SRGAP3: variants seen among roughly 807,000 people sequenced by gnomAD.
The protein encoded by SRGAP3 is SLIT-ROBO Rho GTPase activating protein 3.
Under a neutral mutation model 121.1 loss-of-function variants are expected in SRGAP3, and 39 were observed. The observed-to-expected ratio is 0.32, with a 90% confidence interval of 0.25 to 0.42. The LOEUF (loss-of-function observed/expected upper bound fraction) is 0.42, where lower values mean the gene tolerates loss of function less well. Ranked by LOEUF, SRGAP3 falls within the 10% of genes least tolerant of loss-of-function variation. The pLI is 1.00. For missense variants in SRGAP3, 1,213 were observed against 1,470.6 expected, an observed-to-expected ratio of 0.82 and a Z score of 2.86; for synonymous variants, 601 against 570.0, an observed-to-expected ratio of 1.05 and a Z score of -0.77.
At chr3:9,132,302 A>G (rs1447827857) in intron 1 of SRGAP3, among the ~76,000 whole-genome samples, 2 of 152,152 alleles carry the variant, frequency 1.3e-5, no homozygotes, top group Non-Finnish European at 2.9e-5. Flanking sequence ...TGTGTTGTAC[A>G]TTCTCTGGGT....
chr3:9,350,735 C>T (rs1363906321), intron 1 of SRGAP3, among the ~76,000 whole-genome samples: 1 of 152,162 alleles, frequency 6.6e-6, no homozygotes, highest in African/African-American at 2.4e-5. Context: ...TGTAACTCTT[C>T]TTTCTTCCAG....
At chr3:9,294,695 CGTGTGTGTGTGTGTGTGT>C (rs753452580) in intron 3 of SRGAP3, among the ~76,000 whole-genome samples, 116 of 119,880 alleles carry the variant, frequency 9.7e-4, no homozygotes, top group African/African-American at 3.3e-3. Context: ...TTGAAGCTTT[CGTGTGTGTGTGTGTGTGT>C]GTGTGTGTGT....
intron 3 of SRGAP3, among the ~76,000 whole-genome samples, chr3:9,260,544 G>A (rs184679736): frequency 1.3e-5 from 2 of 152,344 alleles, no homozygotes; most frequent in African/African-American, 2.4e-5. Flanking sequence ...AAGTTCAAAC[G>A]ATGCGGAACC....
At chr3:9,132,183 GCA>G (rs1263477263) in intron 1 of SRGAP3, among the ~76,000 whole-genome samples, 2 of 152,074 alleles carry the variant, frequency 1.3e-5, no homozygotes, top group Admixed American at 6.6e-5. Context: ...CCTCTCCACT[GCA>G]CAGTTTCTCC....
intron 3 of SRGAP3, among the ~76,000 whole-genome samples, chr3:9,312,142 T>TTTG (rs965491517): frequency 3.9e-5 from 6 of 152,120 alleles, no homozygotes; most frequent in South Asian, 2.1e-4. Flanking sequence ...TATGTTGTTT[T>TTTG]TTGTTGTTGT....
chr3:9,022,075 TC>T (rs1413998598), intron 14 of SRGAP3, among the ~76,000 whole-genome samples: 1 of 152,198 alleles, frequency 6.6e-6, no homozygotes, highest in African/African-American at 2.4e-5. Flanking sequence ...ACGCCTATAA[TC>T]CCAGCACTTT....
intron 1 of SRGAP3, among the ~76,000 whole-genome samples, chr3:9,345,962 C>A (rs1236597498): frequency 6.6e-6 from 1 of 152,118 alleles, no homozygotes; most frequent in African/African-American, 2.4e-5. Context: ...TTCTTTAATT[C>A]TTACAGCAAA....
At chr3:9,332,945 G>A (rs1047318401) in intron 1 of SRGAP3, among the ~76,000 whole-genome samples, 1 of 152,170 alleles carries the variant, frequency 6.6e-6, no homozygotes, top group African/African-American at 2.4e-5. Context: ...CTCAAAGCAT[G>A]ATATGGAACC....
intron 2 of SRGAP3, among the ~76,000 whole-genome samples, chr3:9,107,672 A>G (rs540244885): frequency 1.4e-4 from 22 of 152,342 alleles, no homozygotes; most frequent in Non-Finnish European, 2.4e-4. Context: ...GCAGCCCCAG[A>G]CTACGTGTAC....
At position 9,249,460 on chromosome 3, in the gene SRGAP3, C is replaced by T; in HGVS notation, c.-509G>A. On this transcript the variant is annotated 5_prime_UTR_variant, in exon 1 of 22. Coordinates refer to ENST00000383836, the MANE Select transcript of SRGAP3 (RefSeq NM_014850.4). ...GCGCGGCGCCTCTTTGGTCGTGCAG[C>T]CAGCCCCTGGCTTGCTTTTGAAGGC... is the stretch of plus-strand genomic sequence containing the variant. 4.0e-6 allele frequency: 1 copy of T among 249,794 alleles called. No individual in the cohort carries two copies. The allele number at this position is 249,794 out of a possible 1,614,324, so 15.5% of individuals were successfully genotyped here. A position where few individuals can be genotyped will look rare whatever the true frequency, so the allele number is the denominator to read the frequency against.
chr3:9,348,581 G>C, intron 1 of SRGAP3: 1 of 857,480 alleles, frequency 1.2e-6, no homozygotes, highest in East Asian at 2.4e-5. Flanking sequence ...GGTGCTGTGA[G>C]AAGCCGGCTG....
At chr3:9,289,046 G>A (rs1343391666) in intron 3 of SRGAP3, among the ~76,000 whole-genome samples, 5 of 152,096 alleles carry the variant, frequency 3.3e-5, no homozygotes, top group Admixed American at 1.3e-4. Context: ...ACAGGCATGC[G>A]CCATCAAGCC....
chr3:9,164,276 T>TTTCATTTATTTATTTA (rs1553683180), intron 1 of SRGAP3, among the ~76,000 whole-genome samples: 1 of 140,772 alleles, frequency 7.1e-6, no homozygotes, highest in Non-Finnish European at 1.6e-5. Context: ...ACCCAGACTA[T>TTTCATTTATTTATTTA]TTTATTTATT....
intron 4 of SRGAP3, among the ~76,000 whole-genome samples, chr3:9,073,734 T>C (rs1263428197): frequency 2.6e-5 from 4 of 152,256 alleles, no homozygotes; most frequent in Non-Finnish European, 5.9e-5. Context: ...TTGGAGGCTC[T>C]AGTTATTCTT....
intron 1 of SRGAP3, among the ~76,000 whole-genome samples, chr3:9,214,038 A>G (rs1204394061): frequency 1.3e-5 from 2 of 151,858 alleles, no homozygotes; most frequent in African/African-American, 4.8e-5. Context: ...AATGGTTACC[A>G]TTATCTGAAT....
intron 18 of SRGAP3, among the ~76,000 whole-genome samples, chr3:9,006,475 G>C (rs1316747016): frequency 6.6e-6 from 1 of 150,626 alleles, no homozygotes. Flanking sequence ...ATCAACTAAT[G>C]TCATTTTAAT....
chr3:9,182,167 C>G, intron 1 of SRGAP3, among the ~76,000 whole-genome samples: 1 of 89,048 alleles, frequency 1.1e-5, no homozygotes, highest in African/African-American at 4.3e-5. Flanking sequence ...CAGAGCAAGA[C>G]TCTGTCTCAA....
intron 12 of SRGAP3, among the ~76,000 whole-genome samples, chr3:9,029,953 C>T (rs1490849080): frequency 6.9e-6 from 1 of 144,224 alleles, no homozygotes; most frequent in Non-Finnish European, 1.5e-5. Context: ...CCAGCCTGAA[C>T]AACATGGTAA....
chr3:9,279,760 G>A (rs987945018), intron 3 of SRGAP3, among the ~76,000 whole-genome samples: 15 of 151,976 alleles, frequency 9.9e-5, no homozygotes, highest in Middle Eastern at 3.4e-3. Flanking sequence ...TGATCCACCC[G>A]CCTCGGCCTC....
Sources: gnomAD v4.1 joint callset for allele counts (sites outside exome capture counted in the v4.1 genomes callset) on GRCh38, gnomAD v4.1.1 for gene constraint, MANE v1.5 for transcripts, NCBI Gene and HGNC (gene_info 2026-07-23, HGNC 2026-07-21) for gene names.